The following DOP1B variants were observed in gnomAD, a reference collection of about 807,000 sequenced individuals.
The protein encoded by DOP1B is DOP1 leucine zipper like protein B, also known as protein DOP1B.
DOP1B carries 174 observed loss-of-function variants against 233.5 expected under a neutral mutation model. The observed-to-expected ratio is 0.75, with a 90% CI of 0.66 to 0.85. DOP1B has a LOEUF of 0.85. Ranked by LOEUF, DOP1B falls within the 40% of genes least tolerant of loss-of-function variation. The pLI, the probability that DOP1B is intolerant of heterozygous loss-of-function variation, is 0.00. For synonymous variants in DOP1B, 1,190 were observed against 1,185.6 expected, an observed-to-expected ratio of 1.00 and a Z score of -0.08; for missense variants, 2,652 against 2,846.6, an observed-to-expected ratio of 0.93 and a Z score of 1.56.
Position 36,239,808 on chromosome 21 carries a change from G to C in DOP1B, c.2920G>C (p.Ala974Pro), listed in dbSNP as rs2066872174. The C allele has an allele frequency of 3.2e-6, 5 of 1,561,110 alleles. No individual in the cohort carries two copies. The highest frequency in any genetic ancestry group is 4.3e-6 in the Non-Finnish European group (5 of 1,153,626). ...VLDSLACTDG[A>P]IGAAAQGWLV... is the part of the protein sequence containing the mutation. ...GGACAGCCTGGCCTGCACGGATGGT[G>C]CCATCGGTGCGGCAGCCCAGGGCTG... The change falls in exon 18 of 37, where the codon GCC becomes CCC. Residue 974 changes from alanine (A) to proline (P), a missense_variant. This residue lies in a region of DOP1B where 2,617 missense variants were observed against 2,794.3 expected (regional missense o/e 0.94). Coordinates refer to ENST00000691173, the MANE Select transcript of DOP1B (RefSeq NM_001320714.2).
intron 5 of DOP1B, among the ~76,000 whole-genome samples, chr21:36,209,649 T>G (rs1445655062): frequency 1.3e-5 from 2 of 151,954 alleles, no homozygotes; most frequent in African/African-American, 4.8e-5. Context: ...CTCTCAAACC[T>G]AAATTATTGG....
In DOP1B at chr21:36,230,775, A is replaced by T. The variant is rs1184411818; in HGVS notation, c.1991A>T (p.Asp664Val). The T allele has an allele frequency of 1.9e-6, 3 of 1,614,176 alleles. No individual in the cohort carries two copies. Among genetic ancestry groups the T allele is most frequent in the Non-Finnish European group, 8.5e-7 (1 of 1,180,042 alleles). Residue 664 changes from aspartate (D) to valine (V), a missense_variant, in exon 14 of 37, where the codon GAC becomes GTC. Transcript: ENST00000691173. ...SKSEEPAGKR[D>V]RDGTQSLAAN... ...TCCGAGGAGCCTGCAGGGAAGAGGG[A>T]CAGGGATGGGACGCAGAGCCTGGCA...
chr21:36,196,582 C>T lies in DOP1B; in HGVS notation c.139-2488C>T, dbSNP rs533299698. Among the ~76,000 whole-genome samples the T allele has an allele frequency of 2.0e-5, 3 of 150,426 alleles. No individual in the cohort carries two copies. The South Asian group carries it at 6.3e-4, about 32-fold the overall frequency. ...TTTTTCACATTATTTTATTAGCATT[C>T]CCTTTGTTTTAAGGTATCACATTCT... On this transcript the variant is annotated intron_variant, in intron 2 of 36. Transcript: ENST00000691173.
chr21:36,222,394 C>T (rs1413203686), intron 10 of DOP1B, among the ~76,000 whole-genome samples: 1 of 151,592 alleles, frequency 6.6e-6, no homozygotes, highest in African/African-American at 2.4e-5. Flanking sequence ...GCCTGGCCAA[C>T]ATCACGGTGA....
chr21:36,285,817 G>A (rs1164557610), intron 32 of DOP1B, among the ~76,000 whole-genome samples: 1 of 152,072 alleles, frequency 6.6e-6, no homozygotes, highest in African/African-American at 2.4e-5. Flanking sequence ...GACCAACCTG[G>A]CCAACATGGT....
At position 36,214,525 on chromosome 21, in the gene DOP1B, C is replaced by T; in HGVS notation, c.1098C>T (p.Val366=). 1 of 1,613,946 alleles carries T rather than the reference C, an allele frequency of 6.2e-7. No individual in the cohort carries two copies. The highest frequency in any genetic ancestry group is 8.5e-7 in the Non-Finnish European group (1 of 1,180,012). ...ATGCATACCTGAAGCCTTTTCGCGT[C>T]CTCATCAGTCTGCTTGACAAGCCAG... ...RHHAYLKPFR[V]LISLLDKPEI... Residue 366 remains valine, a synonymous_variant, in exon 9 of 37, where the codon GTC becomes GTT. Coordinates refer to ENST00000691173, the MANE Select transcript of DOP1B (RefSeq NM_001320714.2).
At chr21:36,169,958 C>T (rs2065957012) in intron 2 of DOP1B, 1 of 766,948 alleles carries the variant, frequency 1.3e-6, no homozygotes, top group African/African-American at 1.7e-5. Flanking sequence ...GTAGTCATGG[C>T]CTCTACCACC....
intron 13 of DOP1B, among the ~76,000 whole-genome samples, chr21:36,229,389 T>G (rs2066732166): frequency 6.6e-6 from 1 of 152,180 alleles, no homozygotes; most frequent in Admixed American, 6.5e-5. Flanking sequence ...ATTCCTCGGC[T>G]TGTCCAGGCA....
chr21:36,257,844 TAG>T lies in DOP1B; in HGVS notation c.5260-2832_5260-2831del, dbSNP rs1178993045. 1.0e-4 allele frequency among the ~76,000 whole-genome samples: 15 copies of T among 145,006 alleles called. 1 individual carries two copies. The highest frequency in any genetic ancestry group is 3.8e-4 in the African/African-American group (14 of 37,074). ...ATGTAGGTAGGTAGGTAGATGTAGA[TAG>T]GTAGGTAGGTAGAGAGATAGATGTA... On this transcript the variant is annotated intron_variant, in intron 23 of 36. Coordinates refer to ENST00000691173, the MANE Select transcript of DOP1B (RefSeq NM_001320714.2).
At chr21:36,182,791 T>C (rs912033546) in intron 2 of DOP1B, among the ~76,000 whole-genome samples, 1 of 152,212 alleles carries the variant, frequency 6.6e-6, no homozygotes, top group African/African-American at 2.4e-5. Flanking sequence ...TTTGCACAAC[T>C]GTCCTCTAGC....
chr21:36,227,867 G>T lies in DOP1B; in HGVS notation c.1655G>T (p.Ser552Ile), dbSNP rs771648647. ...TCCTACCTCGACACGGAGTCCACCA[G>T]CGGAACCTCGGTGTGTACTCTGAGG... Reference protein sequence around the residue: ...PPSYLDTESTSGTSSPVKGEN... With the variant: ...PPSYLDTESTIGTSSPVKGEN... The change falls in exon 13 of 37, where the codon AGC becomes ATC. Residue 552 changes from serine to isoleucine, a missense_variant. Physicochemically the swap from Ser to Ile is moderately radical, Grantham distance 142 (BLOSUM62 -2). This residue lies in a region of DOP1B where 2,617 missense variants were observed against 2,794.3 expected (regional missense o/e 0.94). Coordinates refer to ENST00000691173, the MANE Select transcript of DOP1B (RefSeq NM_001320714.2). 6.3e-7 allele frequency: 1 copy of T among 1,598,768 alleles called. No individual in the cohort carries two copies. The highest frequency in any genetic ancestry group is 8.5e-7 in the Non-Finnish European group (1 of 1,169,660).
chr21:36,284,687 A>G (rs2067462902), intron 32 of DOP1B, among the ~76,000 whole-genome samples: 1 of 152,038 alleles, frequency 6.6e-6, no homozygotes, highest in South Asian at 2.1e-4. Context: ...AAGATAGACA[A>G]CATTCTGAAA....
chr21:36,219,958 C>G (rs2066606562), intron 10 of DOP1B, among the ~76,000 whole-genome samples: 1 of 151,608 alleles, frequency 6.6e-6, no homozygotes, highest in South Asian at 2.1e-4. Context: ...TTGGGGGAGA[C>G]CCAGGCAGGG....
At chr21:36,232,065 C>T (rs950949942) in intron 14 of DOP1B, among the ~76,000 whole-genome samples, 6 of 152,076 alleles carry the variant, frequency 3.9e-5, no homozygotes, top group African/African-American at 1.4e-4. Context: ...AGGATGGTCT[C>T]AATCTTTTGA....
intron 18 of DOP1B, 49 bp from the exon 19 acceptor site, chr21:36,244,999 C>T: frequency 6.5e-7 from 1 of 1,530,706 alleles, no homozygotes; most frequent in African/African-American, 1.4e-5. Flanking sequence ...GCTAATGTAT[C>T]ATAGCTGACC....
intron 4 of DOP1B, 57 bp from the exon 5 acceptor site, chr21:36,208,658 C>A: frequency 1.9e-6 from 3 of 1,556,426 alleles, no homozygotes; most frequent in Non-Finnish European, 2.6e-6. Context: ...GAGCAGTGTG[C>A]AGTGGGACTC....
chr21:36,164,790 A>G lies in DOP1B; in HGVS notation c.57A>G (p.Ser19=). The G allele has an allele frequency of 6.2e-7, 1 of 1,612,690 alleles. No homozygotes were observed. Among genetic ancestry groups the G allele is most frequent in the Non-Finnish European group, 8.5e-7 (1 of 1,179,414 alleles). ...ATTACAGATACAGAAGCTACTCTTC[A>G]GTGATTGAAAAGGCTTTGAGAAATT... The part of the protein sequence containing the change: ...LNDYRYRSYS[S]VIEKALRNFE... The change falls in exon 2 of 37, where the codon TCA becomes TCG. Residue 19 remains serine, a synonymous_variant. Coordinates refer to ENST00000691173, the MANE Select transcript of DOP1B (RefSeq NM_001320714.2).
Position 36,200,440 on chromosome 21 carries a change from C to T in DOP1B, c.430C>T (p.Leu144=). 6.2e-7 allele frequency: 1 copy of T among 1,613,402 alleles called. No homozygotes were observed. The highest frequency in any genetic ancestry group is 8.5e-7 in the Non-Finnish European group (1 of 1,180,030). Residue 144 remains leucine (L), a synonymous_variant, in exon 4 of 37, where the codon CTG becomes TTG. Transcript: ENST00000691173. ...LPLQKLLLPS[L]QAFIVGLLPG... ...ACTGCAGAAGCTGCTCCTGCCCAGT[C>T]TGCAGGCCTTCATCGTGGGCCTGCT...
chr21:36,214,493 C>T lies in DOP1B; in HGVS notation c.1066C>T (p.Arg356Cys), dbSNP rs745469256. The change falls in exon 9 of 37, where the codon CGC becomes TGC. Residue 356 changes from arginine to cysteine, a missense_variant. Physicochemically the swap from Arg to Cys is radical, Grantham distance 180. Transcript: ENST00000691173. Reference protein sequence around the residue: ...QKFIDADVEERHHAYLKPFRV... With the variant: ...QKFIDADVEECHHAYLKPFRV... ...GTTCATAGATGCTGACGTGGAGGAA[C>T]GCCATCATGCATACCTGAAGCCTTT... 1.7e-5 allele frequency: 27 copies of T among 1,613,658 alleles called. No individual in the cohort carries two copies. The highest frequency in any genetic ancestry group is 1.6e-4 in the East Asian group (7 of 44,892).
Sources: gnomAD v4.1 joint callset for allele counts (sites outside exome capture counted in the v4.1 genomes callset) on GRCh38, gnomAD v4.1.1 for gene constraint, gnomAD v4.1.1 regional missense constraint, MANE v1.5 for transcripts, NCBI Gene and HGNC (gene_info 2026-07-23, HGNC 2026-07-21) for gene names.